The following RARB variants were observed in gnomAD, a reference collection of about 807,000 sequenced individuals.
RARB encodes retinoic acid receptor beta.
In RARB, 17 loss-of-function variants were observed where a neutral mutation model predicts 51.9. The ratio of observed to expected loss-of-function variants is 0.33; its 90% CI spans 0.22 to 0.49. The LOEUF is 0.49. Ranked by LOEUF, RARB falls within the 20% of genes least tolerant of loss-of-function variation. The pLI is 0.99. For missense variants in RARB, 369 were observed against 550.8 expected (o/e 0.67, Z 3.30); for synonymous variants, 215 against 195.4 (o/e 1.10, Z -0.84).
intron 5 of RARB, 68 bp from the exon 6 acceptor site, chr3:25,593,435 C>T (rs1415620679): frequency 2.1e-6 from 3 of 1,426,086 alleles, no homozygotes; most frequent in African/African-American, 1.4e-5. Flanking sequence ...TTATTTCCTG[C>T]TTACATCTGA....
intron 2 of RARB, among the ~76,000 whole-genome samples, chr3:24,860,628 A>C (rs1702732853): frequency 6.6e-6 from 1 of 151,892 alleles, no homozygotes; most frequent in African/African-American, 2.4e-5. Context: ...TGATTGAAGA[A>C]AAAAACCCTT....
chr3:25,399,937 G>C (rs1707219407), intron 5 of RARB, among the ~76,000 whole-genome samples: 1 of 152,112 alleles, frequency 6.6e-6, no homozygotes, highest in South Asian at 2.1e-4. Flanking sequence ...TTATAACTTT[G>C]TCACTCTATG....
intron 4 of RARB, among the ~76,000 whole-genome samples, chr3:25,138,257 A>G (rs540099000): frequency 6.6e-5 from 10 of 152,118 alleles, no homozygotes; most frequent in Non-Finnish European, 1.5e-4. Flanking sequence ...ATATCCATGA[A>G]GAAATTATGA....
upstream of RARB, among the ~76,000 whole-genome samples, chr3:25,424,464 G>A (rs1707936831): frequency 6.6e-6 from 1 of 152,160 alleles, no homozygotes; most frequent in East Asian, 1.9e-4. Flanking sequence ...CTCTGCCTTG[G>A]CTTCCCTGCT....
intron 5 of RARB, among the ~76,000 whole-genome samples, chr3:25,581,285 A>G (rs1314913700): frequency 6.6e-6 from 1 of 152,188 alleles, no homozygotes; most frequent in Non-Finnish European, 1.5e-5. Context: ...TTTTTATAGC[A>G]CTTCAAAAGC....
intron 2 of RARB, among the ~76,000 whole-genome samples, chr3:24,994,570 C>T (rs560956704): frequency 6.6e-6 from 1 of 152,014 alleles, no homozygotes; most frequent in African/African-American, 2.4e-5. Flanking sequence ...AATCATTTCC[C>T]AGACTAATGT....
chr3:25,251,529 G>A (rs1702720356), intron 5 of RARB, among the ~76,000 whole-genome samples: 1 of 152,200 alleles, frequency 6.6e-6, no homozygotes, highest in South Asian at 2.1e-4. Flanking sequence ...TCCAAAAGTT[G>A]TCCATTTTGT....
intron 3 of RARB, among the ~76,000 whole-genome samples, chr3:25,118,108 A>G (rs1699720886): frequency 6.6e-6 from 1 of 152,200 alleles, no homozygotes; most frequent in Admixed American, 6.6e-5. Context: ...ATCCTGCCTG[A>G]TATTGAGACC....
intron 2 of RARB, among the ~76,000 whole-genome samples, chr3:24,874,323 T>C (rs114244058): frequency 2.0e-5 from 3 of 152,242 alleles, no homozygotes; most frequent in African/African-American, 7.2e-5. Flanking sequence ...GCTAAGAATG[T>C]TGATTAAATC....
intron 2 of RARB, among the ~76,000 whole-genome samples, chr3:24,884,171 A>C (rs1259039649): frequency 6.6e-6 from 1 of 152,204 alleles, no homozygotes; most frequent in Non-Finnish European, 1.5e-5. Context: ...TGTCCATAAA[A>C]GTGCTTTATG....
At chr3:25,295,982 C>A (rs139593804) in intron 5 of RARB, among the ~76,000 whole-genome samples, 1 of 152,136 alleles carries the variant, frequency 6.6e-6, no homozygotes, top group Admixed American at 6.5e-5. Context: ...AAATGTGTTT[C>A]TCAAAAGTGC....
At chr3:25,328,924 T>C (rs1267058568) in intron 5 of RARB, among the ~76,000 whole-genome samples, 1 of 152,200 alleles carries the variant, frequency 6.6e-6, no homozygotes, top group Middle Eastern at 3.2e-3. Context: ...CCTCGCTCAC[T>C]GCTAGCACAG....
chr3:25,471,194 T>C (rs1695671794), intron 2 of RARB, among the ~76,000 whole-genome samples: 1 of 152,204 alleles, frequency 6.6e-6, no homozygotes, highest in African/African-American at 2.4e-5. Context: ...AAAGTCTAGC[T>C]CATTTCTTAG....
intron 3 of RARB, among the ~76,000 whole-genome samples, chr3:25,074,863 C>A (rs962410936): frequency 6.6e-6 from 1 of 152,172 alleles, no homozygotes; most frequent in Non-Finnish European, 1.5e-5. Flanking sequence ...TCTTTTCCTA[C>A]ATATGCAGCG....
At chr3:25,373,961 A>C (rs966117975) in intron 5 of RARB, among the ~76,000 whole-genome samples, 1 of 152,222 alleles carries the variant, frequency 6.6e-6, no homozygotes, top group Non-Finnish European at 1.5e-5. Context: ...GGGAACCATC[A>C]TGTATTATAA....
At chr3:25,010,312 A>C (rs919350655) in intron 2 of RARB, among the ~76,000 whole-genome samples, 1 of 152,132 alleles carries the variant, frequency 6.6e-6, no homozygotes, top group South Asian at 2.1e-4. Context: ...TACAAATTAT[A>C]AGAATTTTTA....
chr3:25,195,931 A>G (rs1701222258), intron 5 of RARB, among the ~76,000 whole-genome samples: 1 of 151,936 alleles, frequency 6.6e-6, no homozygotes, highest in Non-Finnish European at 1.5e-5. Flanking sequence ...TAAATCAGTT[A>G]TTTGGTTAGT....
At chr3:25,270,188 C>A (rs908688868) in intron 5 of RARB, among the ~76,000 whole-genome samples, 1 of 152,174 alleles carries the variant, frequency 6.6e-6, no homozygotes, top group Admixed American at 6.5e-5. Context: ...TATTTTTACA[C>A]CAATGTTCAT....
At chr3:25,048,897 C>A (rs543355029) in intron 2 of RARB, among the ~76,000 whole-genome samples, 4 of 151,654 alleles carry the variant, frequency 2.6e-5, no homozygotes, top group South Asian at 2.1e-4. Flanking sequence ...CTGGGACTAG[C>A]GCCCGCCACT....
Sources: gnomAD v4.1 joint callset for allele counts (sites outside exome capture counted in the v4.1 genomes callset) on GRCh38, gnomAD v4.1.1 for gene constraint, MANE v1.5 for transcripts, NCBI Gene and HGNC (gene_info 2026-07-23, HGNC 2026-07-21) for gene names.